Variants in FGD1 observed in about 807,000 individuals in gnomAD.
The protein encoded by FGD1 is FYVE, RhoGEF and PH domain-containing protein 1.
A neutral mutation model predicts 65.0 loss-of-function variants in FGD1; 12 were observed. The observed-to-expected ratio is 0.18, with a 90% CI of 0.12 to 0.30. FGD1 has a LOEUF of 0.30. FGD1 is among the 10% of genes least tolerant of loss of function. The pLI is 1.00. For missense variants in FGD1, 542 were observed against 837.6 expected (o/e 0.65, Z 4.36); for synonymous variants, 333 against 343.9 (o/e 0.97, Z 0.35).
At chrX:54,459,418 C>T (rs188502007) in intron 8 of FGD1, among the ~76,000 whole-genome samples, 1 of 110,806 alleles carries the variant, frequency 9.0e-6, no homozygotes, top group Non-Finnish European at 1.9e-5. Flanking sequence ...CTGGGCTTGG[C>T]AGTCTAGGAT....
Position 54,446,429 on chromosome X carries a change from G to A in FGD1, c.2581-15C>T. ...GCTTTCACATCCTGGCGGGAGGAGG[G>A]ACAGAGCTGGGGCCACCTTGGGGCT... On this transcript the variant is annotated splice_polypyrimidine_tract_variant and intron_variant, in intron 17 of 17. Coordinates refer to ENST00000375135, the MANE Select transcript of FGD1 (RefSeq NM_004463.3). The A allele has an allele frequency of 8.3e-7, 1 of 1,202,731 alleles. No homozygotes were observed. The highest frequency in any genetic ancestry group is 1.1e-6 in the Non-Finnish European group (1 of 890,096).
Position 54,470,200 on chromosome X carries a change from G to C in FGD1, c.917C>G (p.Pro306Arg), listed in dbSNP as rs768047002. 10 of 1,206,391 alleles carry C rather than the reference G, an allele frequency of 8.3e-6. No individual in the cohort carries two copies. Among genetic ancestry groups the C allele is most frequent in the Non-Finnish European group, 7.8e-6 (7 of 893,253 alleles). Residue 306 changes from proline to arginine, a missense_variant, in exon 4 of 18, where the codon CCC (proline) becomes CGC (arginine). Transcript: ENST00000375135. ...ETCFVSDDGP[P>R]SHSLCPGPPA... The stretch of plus-strand genomic sequence containing the variant: ...GGGCCCAGGGCAGAGGCTGTGGCTG[G>C]GGGGCCCGTCATCACTGACGAAGCA...
intron 1 of FGD1, among the ~76,000 whole-genome samples, chrX:54,484,994 C>A (rs1268294494): frequency 1.8e-5 from 2 of 113,189 alleles, no homozygotes; most frequent in Non-Finnish European, 3.7e-5. Context: ...AAGCAGGCAG[C>A]CCCACCTGGG....
intron 1 of FGD1, among the ~76,000 whole-genome samples, chrX:54,476,716 C>A (rs972477328): frequency 9.0e-6 from 1 of 110,606 alleles, no homozygotes; most frequent in Non-Finnish European, 1.9e-5. Flanking sequence ...CACCTCCACA[C>A]CTGACAAGAT....
intron 1 of FGD1, among the ~76,000 whole-genome samples, chrX:54,486,153 C>T (rs764966045): frequency 9.0e-6 from 1 of 111,610 alleles, no homozygotes; most frequent in South Asian, 3.8e-4. Flanking sequence ...GTGGCACAAT[C>T]TCGACTCACT....
chrX:54,485,045 G>C (rs1458801438), intron 1 of FGD1, among the ~76,000 whole-genome samples: 2 of 113,165 alleles, frequency 1.8e-5, no homozygotes, highest in South Asian at 7.1e-4. Context: ...GGCCAAGAGC[G>C]GACTGCCAGC....
At chrX:54,461,761 C>T (rs1236879434) in intron 8 of FGD1, among the ~76,000 whole-genome samples, 1 of 109,580 alleles carries the variant, frequency 9.1e-6, no homozygotes, top group African/African-American at 3.3e-5. Context: ...TCAGAGAATC[C>T]AGTCTTGGGG....
chrX:54,471,037 G>A (rs1481862481), intron 2 of FGD1, among the ~76,000 whole-genome samples: 1 of 108,066 alleles, frequency 9.3e-6, no homozygotes, highest in African/African-American at 3.4e-5. Flanking sequence ...GCTGGATTTG[G>A]AGGTGGCTGG....
chrX:54,448,593 A>G (rs769370651), intron 16 of FGD1, among the ~76,000 whole-genome samples: 55 of 112,668 alleles, frequency 4.9e-4, no homozygotes, highest in Non-Finnish European at 1.9e-4. Flanking sequence ...AAAGAGAACA[A>G]TAGCATGGGC....
At chrX:54,480,737 T>C (rs1400886239) in intron 1 of FGD1, among the ~76,000 whole-genome samples, 1 of 109,734 alleles carries the variant, frequency 9.1e-6, no homozygotes, top group Non-Finnish European at 1.9e-5. Context: ...GTGCTACCTC[T>C]GTCTCCCGAG....
chrX:54,468,916 T>C (rs1389539931), intron 4 of FGD1, 40 bp from the exon 5 acceptor site: 1 of 1,004,842 alleles, frequency 1.0e-6, no homozygotes, highest in African/African-American at 1.9e-5. Flanking sequence ...CATCATCCTC[T>C]ATCGTAACCC....
chrX:54,481,277 C>T lies in FGD1; in HGVS notation c.308-9790G>A, dbSNP rs4826597. 3.2e-3 allele frequency among the ~76,000 whole-genome samples: 343 copies of T among 108,530 alleles called. 4 individuals carry two copies. Among genetic ancestry groups the T allele is most frequent in the Admixed American group, 0.031 (311 of 9,905 alleles). The allele number at this position is 108,530 out of a possible 115,157, so 94.2% of individuals were successfully genotyped here. On this transcript the variant is annotated intron_variant, in intron 1 of 17. Transcript: ENST00000375135. ...AATCTGCCTTTTGTTCTGTGTGACC[C>T]GATTTACCTTCTGCCCTGTGCAGGA...
In FGD1 at chrX:54,446,169, C is replaced by T; in HGVS notation, c.2826G>A (p.Val942=). 2.5e-5 allele frequency: 30 copies of T among 1,211,252 alleles called. No homozygotes were observed. Among genetic ancestry groups the T allele is most frequent in the Non-Finnish European group, 3.4e-5 (30 of 895,236 alleles). ...SEDREMEEAP[V]AALGATAEPP... ...GTTCAGCAGTGGCTCCTAAAGCAGC[C>T]ACCGGTGCCTCCTCCATCTCCCTGT... Residue 942 remains valine, a synonymous_variant, in exon 18 of 18, where the codon GTG becomes GTA. Coordinates refer to ENST00000375135, the MANE Select transcript of FGD1 (RefSeq NM_004463.3).
At position 54,478,136 on chromosome X, in the gene FGD1, G is replaced by C. The variant is rs191607577; in HGVS notation, c.308-6649C>G. Among the ~76,000 whole-genome samples the C allele has an allele frequency of 3.7e-4, 41 of 111,478 alleles. No homozygotes were observed. The East Asian group carries it at 0.011, about 30-fold the overall frequency. On this transcript the variant is annotated intron_variant, in intron 1 of 17. Coordinates refer to ENST00000375135, the MANE Select transcript of FGD1 (RefSeq NM_004463.3). The stretch of plus-strand genomic sequence containing the variant: ...CCGTCTAAAAACAAAATGACTTATT[G>C]TATATCTGAAATTCAAATCTAATTG...
chrX:54,464,411 G>A (rs1030071246), intron 8 of FGD1, among the ~76,000 whole-genome samples: 1 of 111,583 alleles, frequency 9.0e-6, no homozygotes, highest in African/African-American at 3.3e-5. Flanking sequence ...GGGATTACAG[G>A]CGTGAGCCAC....
Position 54,495,434 on chromosome X carries a change from G to A in FGD1, c.-2C>T. 1.0e-6 allele frequency: 1 copy of A among 998,379 alleles called. No homozygotes were observed. Among genetic ancestry groups the A allele is most frequent in the South Asian group, 3.6e-5 (1 of 27,944 alleles). The allele number at this position is 998,379 out of a possible 1,213,427, so 82.3% of individuals were successfully genotyped here. A position where few individuals can be genotyped will look rare whatever the true frequency, so the allele number is the denominator to read the frequency against. Reference sequence around the variant, plus strand: ...CCCCGGGGCTCGGTGGCCATGCATGGTCCGGGCCTGGGCGCGGGGCCCGAG... The same window carrying A: ...CCCCGGGGCTCGGTGGCCATGCATGATCCGGGCCTGGGCGCGGGGCCCGAG... On this transcript the variant is annotated 5_prime_UTR_variant, in exon 1 of 18. Coordinates refer to ENST00000375135, the MANE Select transcript of FGD1 (RefSeq NM_004463.3).
chrX:54,484,258 C>T (rs1055436016), intron 1 of FGD1, among the ~76,000 whole-genome samples: 7 of 111,282 alleles, frequency 6.3e-5, no homozygotes, highest in African/African-American at 2.3e-4. Flanking sequence ...ATCTCCTTTG[C>T]CCTGTCCGCC....
intron 1 of FGD1, among the ~76,000 whole-genome samples, chrX:54,493,285 T>G (rs1923454958): frequency 8.9e-6 from 1 of 112,232 alleles, no homozygotes; most frequent in African/African-American, 3.2e-5. Flanking sequence ...GAACACCTAC[T>G]GCGTGTTAGG....
chrX:54,492,827 T>G (rs1434092345), intron 1 of FGD1, among the ~76,000 whole-genome samples: 2 of 108,141 alleles, frequency 1.8e-5, no homozygotes, highest in Non-Finnish European at 3.8e-5. Context: ...GAAAAGTCAC[T>G]CACCCAGGGT....
Sources: allele counts gnomAD v4.1 joint callset (sites outside exome capture counted in the v4.1 genomes callset), GRCh38; gene constraint gnomAD v4.1.1; transcripts MANE v1.5; gene names NCBI Gene and HGNC (gene_info 2026-07-23, HGNC 2026-07-21).